Variants in DNAH17 observed in about 807,000 individuals in gnomAD.
The protein encoded by DNAH17 is dynein axonemal heavy chain 17, also known as axonemal beta dynein heavy chain 17.
A neutral mutation model predicts 485.6 loss-of-function variants in DNAH17; 376 were observed. The ratio of observed to expected loss-of-function variants is 0.77; its 90% CI spans 0.71 to 0.84. DNAH17 has a LOEUF of 0.84. DNAH17 is among the 40% of genes least tolerant of loss of function. The pLI is 0.00. For missense variants in DNAH17, 6,370 were observed against 5,839.3 expected (o/e 1.09, Z -2.96); for synonymous variants, 3,031 against 2,405.9 (o/e 1.26, Z -7.60).
At chr17:78,494,236 A>T in intron 40 of DNAH17, 63 bp from the exon 41 acceptor site, 1 of 1,565,732 alleles carries the variant, frequency 6.4e-7, no homozygotes, top group Non-Finnish European at 8.7e-7. Context: ...TCTCGCTGGG[A>T]GGCTGGGGGG....
chr17:78,570,364 G>A lies in DNAH17; in HGVS notation c.927C>T (p.Thr309=), dbSNP rs752574223. 9 of 1,610,464 alleles carry A rather than the reference G, an allele frequency of 5.6e-6. No individual in the cohort carries two copies. The highest frequency in any genetic ancestry group is 5.0e-5 in the Admixed American group (3 of 59,630). ...TGGTGTCCAGCACCTTGGCAATGAAGGTGGGGAGCTGGGGGGAGACAGGCC... is the reference window on the plus strand; with the variant it reads ...TGGTGTCCAGCACCTTGGCAATGAAAGTGGGGAGCTGGGGGGAGACAGGCC... ...MEQADFTMLP[T]FIAKVLDTIC... Residue 309 remains threonine (T), a synonymous_variant, in exon 7 of 81, where the codon ACC becomes ACT. Transcript: ENST00000389840.
In DNAH17 at chr17:78,485,923, A is replaced by T. The variant is rs376780254; in HGVS notation, c.7275+37T>A. On this transcript the variant is annotated intron_variant, in intron 46 of 80. Transcript: ENST00000389840. ...GGTACTGCACCGATTCCTGCCTCTA[A>T]ATCACCAGTCGGTGGCCCTGCTTTG... The T allele has an allele frequency of 3.7e-6, 6 of 1,603,304 alleles. No individual in the cohort carries two copies. In the African/African-American group the frequency reaches 8.0e-5, roughly 21 times the overall value.
chr17:78,493,493 CT>C (rs2089948108), intron 41 of DNAH17, among the ~76,000 whole-genome samples: 1 of 152,238 alleles, frequency 6.6e-6, no homozygotes, highest in South Asian at 2.1e-4. Context: ...GTCCGAGTTC[CT>C]TTTTAGGAAA....
chr17:78,424,005 G>T lies in DNAH17; in HGVS notation c.13290C>A (p.Arg4430=). The T allele has an allele frequency of 6.2e-7, 1 of 1,614,066 alleles. No individual in the cohort carries two copies. Among genetic ancestry groups the T allele is most frequent in the Non-Finnish European group, 8.5e-7 (1 of 1,179,906 alleles). The change falls in exon 81 of 81, where the codon CGC becomes CGA. Residue 4430 remains arginine, a synonymous_variant. Coordinates refer to ENST00000389840, the MANE Select transcript of DNAH17 (RefSeq NM_173628.4). ...NIYECPVYKT[R]IRGPTYVWTF... ...TCCAGACATAGGTGGGGCCGCGGAT[G>T]CGTGTTTTGTACACGGGACACTCAT...
chr17:78,544,847 A>C (rs1280955968), intron 16 of DNAH17, among the ~76,000 whole-genome samples: 3 of 148,570 alleles, frequency 2.0e-5, no homozygotes, highest in Non-Finnish European at 4.5e-5. Flanking sequence ...GGCCACTTTT[A>C]ATTATGATTT....
At chr17:78,484,744 CCCCA>C in intron 48 of DNAH17, 120 bp downstream of exon 48, 10 of 428,258 alleles carry the variant, frequency 2.3e-5, no homozygotes, top group Non-Finnish European at 3.7e-5. Context: ...GCAGCACCCC[CCCCA>C]CCGCCCCACA....
At chr17:78,477,249 CAAAG>C (rs1020887448) in intron 51 of DNAH17, among the ~76,000 whole-genome samples, 8 of 152,074 alleles carry the variant, frequency 5.3e-5, no homozygotes, top group Non-Finnish European at 1.2e-4. Context: ...GCCAGGTACA[CAAAG>C]AAATAAGGTA....
intron 17 of DNAH17, among the ~76,000 whole-genome samples, chr17:78,540,372 G>A (rs1007311054): frequency 7.0e-6 from 1 of 142,122 alleles, no homozygotes; most frequent in African/African-American, 2.7e-5. Flanking sequence ...CAGATGAATG[G>A]GGTGGACGGA....
rs778805051 is a variant in DNAH17 at position 78,500,440 on chromosome 17, C to A, written c.5505G>T (p.Gln1835His). The change falls in exon 36 of 81, where the codon CAG (glutamine) becomes CAT (histidine). Residue 1835 changes from glutamine to histidine, a missense_variant. By Grantham distance (24) the Gln-to-His change is conservative. Coordinates refer to ENST00000389840, the MANE Select transcript of DNAH17 (RefSeq NM_173628.4). ...LTDRCYITLT[Q>H]SLHLIMGGAP... ...CTCCACCCATGATGAGATGGAGGGA[C>A]TGGGTCAGGGTGATATAGCACCTGC... is the stretch of plus-strand genomic sequence containing the variant. 6.2e-7 allele frequency: 1 copy of A among 1,602,638 alleles called. No individual in the cohort carries two copies. Among genetic ancestry groups the A allele is most frequent in the Non-Finnish European group, 8.5e-7 (1 of 1,176,228 alleles).
intron 13 of DNAH17, among the ~76,000 whole-genome samples, chr17:78,560,168 G>T (rs529950715): frequency 4.9e-4 from 75 of 152,188 alleles, no homozygotes; most frequent in South Asian, 1.7e-3. Flanking sequence ...CTGACTGTCT[G>T]GATCACTAAT....
chr17:78,502,431 G>A, intron 33 of DNAH17, 160 bp downstream of exon 33: 1 of 615,766 alleles, frequency 1.6e-6, no homozygotes, highest in South Asian at 2.1e-5. Flanking sequence ...GTGCGTGGCT[G>A]TTATTTGGCC....
intron 34 of DNAH17, 168 bp downstream of exon 34, chr17:78,501,574 C>T: frequency 9.4e-7 from 1 of 1,067,108 alleles, no homozygotes; most frequent in Non-Finnish European, 1.3e-6. Flanking sequence ...CTGTGTGTTG[C>T]TCACCAGGGG....
intron 19 of DNAH17, 194 bp from the exon 20 acceptor site, chr17:78,532,930 G>C (rs989572496): frequency 1.7e-6 from 1 of 597,512 alleles, no homozygotes; most frequent in Non-Finnish European, 2.9e-6. Context: ...ACTCCTGGGA[G>C]GTCACCATAC....
intron 75 of DNAH17, among the ~76,000 whole-genome samples, chr17:78,430,501 G>A (rs752900973): frequency 1.3e-5 from 2 of 152,118 alleles, no homozygotes; most frequent in Non-Finnish European, 2.9e-5. Flanking sequence ...AATACCAGTG[G>A]GAGTTCATTG....
chr17:78,520,208 T>C (rs948734734), intron 25 of DNAH17, among the ~76,000 whole-genome samples: 1 of 152,200 alleles, frequency 6.6e-6, no homozygotes, highest in Non-Finnish European at 1.5e-5. Flanking sequence ...ATCTAACACC[T>C]GTTCATGATG....
chr17:78,562,022 T>TC (rs748657116), intron 11 of DNAH17, 42 bp from the exon 12 acceptor site: 10 of 1,519,538 alleles, frequency 6.6e-6, no homozygotes, highest in Non-Finnish European at 8.8e-6. Context: ...CACAGTCTCC[T>TC]CCCCTTCCCC....
At chr17:78,510,193 A>G (rs2090595478) in intron 27 of DNAH17, among the ~76,000 whole-genome samples, 191 bp downstream of exon 27, 9 of 152,002 alleles carry the variant, frequency 5.9e-5, no homozygotes, top group Admixed American at 5.9e-4. Context: ...AAAACAATAA[A>G]AAATAATAAA....
chr17:78,463,477 T>C (rs374197539), intron 56 of DNAH17, among the ~76,000 whole-genome samples: 1 of 152,036 alleles, frequency 6.6e-6, no homozygotes, highest in Non-Finnish European at 1.5e-5. Flanking sequence ...TGCATACGCA[T>C]TCACATACCT....
chr17:78,447,218 T>C (rs1157545485), intron 69 of DNAH17, among the ~76,000 whole-genome samples: 1 of 152,240 alleles, frequency 6.6e-6, no homozygotes, highest in African/African-American at 2.4e-5. Flanking sequence ...TGAGCCTCAG[T>C]GCCCGGCCTC....
Sources: gnomAD v4.1 joint callset for allele counts (sites outside exome capture counted in the v4.1 genomes callset) on GRCh38, gnomAD v4.1.1 for gene constraint, MANE v1.5 for transcripts, NCBI Gene and HGNC (gene_info 2026-07-23, HGNC 2026-07-21) for gene names.